MICU3: variants seen among roughly 807,000 people sequenced by gnomAD.
MICU3 encodes the protein mitochondrial calcium uptake 3.
Under a neutral mutation model 66.5 loss-of-function variants are expected in MICU3, and 62 were observed. The ratio of observed to expected loss-of-function variants is 0.93; its 90% CI spans 0.76 to 1.15. The LOEUF (loss-of-function observed/expected upper bound fraction) is 1.15, where lower values mean the gene tolerates loss of function less well. MICU3 is among the 50% of genes most tolerant of loss of function. The pLI is 0.00. For missense variants in MICU3, 779 were observed against 664.4 expected, an observed-to-expected ratio of 1.17 and a Z score of -1.90; for synonymous variants, 308 against 240.7, an observed-to-expected ratio of 1.28 and a Z score of -2.59.
intron 9 of MICU3, among the ~76,000 whole-genome samples, 171 bp from the exon 10 acceptor site, chr8:17,104,220 A>G (rs941230114): frequency 6.6e-6 from 1 of 151,890 alleles, no homozygotes; most frequent in Admixed American, 6.6e-5. Context: ...TGTGAGCTTT[A>G]TTTTAACTAT....
chr8:17,048,805 G>A (rs749056433), intron 1 of MICU3, among the ~76,000 whole-genome samples: 47 of 152,182 alleles, frequency 3.1e-4, no homozygotes, highest in South Asian at 1.7e-3. Context: ...AAATTGTAGA[G>A]ACAGGTTGCC....
At chr8:17,040,771 C>G (rs1329259072) in intron 1 of MICU3, among the ~76,000 whole-genome samples, 1 of 152,116 alleles carries the variant, frequency 6.6e-6, no homozygotes, top group Non-Finnish European at 1.5e-5. Context: ...CCCACTGTAT[C>G]TGCTGGTTAA....
At chr8:17,131,289 T>C in the MICU3 span, 1 of 152,170 alleles carries the variant, frequency 6.6e-6, no homozygotes, top group Non-Finnish European at 1.5e-5. Flanking sequence ...GAAATCCAGA[T>C]GTCTTTGGAA....
At chr8:17,125,799 G>C (rs1445067144), downstream of MICU3, among the ~76,000 whole-genome samples, 1 of 152,020 alleles carries the variant, frequency 6.6e-6, no homozygotes. Flanking sequence ...TTGGGATGCT[G>C]AGGCGGGTGG....
intron 1 of MICU3, among the ~76,000 whole-genome samples, chr8:17,057,439 TATATGAAAACAATAATTCAAG>T (rs1401694647): frequency 6.6e-6 from 1 of 152,190 alleles, no homozygotes; most frequent in Non-Finnish European, 1.5e-5. Context: ...TTCCAAAACT[TATATGAAAACAATAATTCAAG>T]GTTCAAACAG....
At chr8:17,128,904 G>C in the MICU3 span, among the ~76,000 whole-genome samples, 2 of 152,186 alleles carry the variant, frequency 1.3e-5, no homozygotes, top group Non-Finnish European at 2.9e-5. Flanking sequence ...GTACTGTTAA[G>C]TCTGACTGAA....
chr8:17,045,580 G>A (rs1814937987), intron 1 of MICU3, among the ~76,000 whole-genome samples: 1 of 152,204 alleles, frequency 6.6e-6, no homozygotes, highest in Non-Finnish European at 1.5e-5. Flanking sequence ...CCAGATAGCT[G>A]AACATGTTGA....
chr8:17,090,714 TA>T (rs1448463708), intron 8 of MICU3, 130 bp downstream of exon 8: 1 of 628,172 alleles, frequency 1.6e-6, no homozygotes, highest in East Asian at 3.0e-5. Flanking sequence ...TTGAACACAA[TA>T]GGTGCAATGA....
intron 3 of MICU3, among the ~76,000 whole-genome samples, chr8:17,074,572 A>T (rs1054903508): frequency 4.1e-4 from 62 of 149,724 alleles, no homozygotes; most frequent in African/African-American, 1.5e-3. Context: ...GGAGAATCAG[A>T]CTAAAATGAT....
At position 17,122,627 on chromosome 8, in the gene MICU3, C is replaced by T. The variant is rs796456877; in HGVS notation, c.*2340C>T. On this transcript the variant is annotated 3_prime_UTR_variant, in exon 15 of 15. Transcript: ENST00000318063. ...CATTATCTTAAAATAAATATTTCTGCCCTTGAATCAAGAAACATTGTACTT... is the reference window on the plus strand; with the variant it reads ...CATTATCTTAAAATAAATATTTCTGTCCTTGAATCAAGAAACATTGTACTT... 6.6e-6 allele frequency: 1 copy of T among 151,910 alleles called. No homozygotes were observed. The highest frequency in any genetic ancestry group is 2.4e-5 in the African/African-American group (1 of 41,424). 9.4% of individuals were successfully genotyped at this position (151,910 alleles called of 1,614,324 possible). A position where few individuals can be genotyped will look rare whatever the true frequency, so the allele number is the denominator to read the frequency against.
chr8:17,085,367 T>C, intron 6 of MICU3, 49 bp downstream of exon 6: 1 of 1,233,884 alleles, frequency 8.1e-7, no homozygotes. Context: ...TATTGCTTAC[T>C]TATATTTTTA....
chr8:17,069,659 T>C (rs752616162), intron 2 of MICU3, 29 bp from the exon 3 acceptor site: 5 of 1,391,704 alleles, frequency 3.6e-6, no homozygotes, highest in South Asian at 1.3e-5. Flanking sequence ...GTATTTATTA[T>C]CTAATTATCT....
chr8:17,070,322 C>G (rs1322424585), intron 3 of MICU3, among the ~76,000 whole-genome samples: 1 of 151,872 alleles, frequency 6.6e-6, no homozygotes, highest in Non-Finnish European at 1.5e-5. Context: ...TTTAACAGTG[C>G]TTTAACTAAA....
At chr8:17,043,408 A>G (rs909004085) in intron 1 of MICU3, among the ~76,000 whole-genome samples, 3 of 152,218 alleles carry the variant, frequency 2.0e-5, no homozygotes, top group Non-Finnish European at 4.4e-5. Flanking sequence ...ATAAGAGGTT[A>G]CTTGTAATTG....
intron 8 of MICU3, among the ~76,000 whole-genome samples, chr8:17,096,983 GTGTGTGTGTGTGTGAT>G (rs1247615934): frequency 6.6e-6 from 1 of 151,154 alleles, no homozygotes; most frequent in Non-Finnish European, 1.5e-5. Flanking sequence ...GTGTGTGTGT[GTGTGTGTGTGTGTGAT>G]TGTGGACAGT....
chr8:17,122,385 C>G lies in MICU3; in HGVS notation c.*2098C>G, dbSNP rs887911642. ...TTTGAAAATAATAATGTACTGACTA[C>G]ATGTATGCTGTTATTGTCAGTGTTT... On this transcript the variant is annotated 3_prime_UTR_variant, in exon 15 of 15. Transcript: ENST00000318063. The G allele has an allele frequency of 2.0e-5, 3 of 151,812 alleles. No individual in the cohort carries two copies. Among genetic ancestry groups the G allele is most frequent in the African/African-American group, 7.2e-5 (3 of 41,444 alleles). The allele number at this position is 151,812 out of a possible 1,614,324, so 9.4% of individuals were successfully genotyped here. A position where few individuals can be genotyped will look rare whatever the true frequency, so the allele number is the denominator to read the frequency against.
At chr8:17,128,304 C>G in the MICU3 span, among the ~76,000 whole-genome samples, 1 of 151,652 alleles carries the variant, frequency 6.6e-6, no homozygotes, top group Non-Finnish European at 1.5e-5. Flanking sequence ...CCAAAAGAGT[C>G]TTACATGATA....
chr8:17,113,309 G>A (rs913095858), intron 11 of MICU3, among the ~76,000 whole-genome samples: 1 of 152,194 alleles, frequency 6.6e-6, no homozygotes, highest in South Asian at 2.1e-4. Flanking sequence ...TTAATTTGCT[G>A]AGGAGAACCC....
intron 3 of MICU3, among the ~76,000 whole-genome samples, chr8:17,071,442 T>C (rs1027452743): frequency 3.3e-5 from 5 of 152,144 alleles, no homozygotes; most frequent in Non-Finnish European, 5.9e-5. Context: ...GTCAGTCATA[T>C]TGGATTAGGG....
Sources: gnomAD v4.1 joint callset for allele counts (sites outside exome capture counted in the v4.1 genomes callset) on GRCh38, gnomAD v4.1.1 for gene constraint, MANE v1.5 for transcripts, NCBI Gene and HGNC (gene_info 2026-07-23, HGNC 2026-07-21) for gene names.